PRRX2: variants seen among roughly 807,000 people sequenced by gnomAD.
The protein encoded by PRRX2 is paired related homeobox 2, also known as paired mesoderm homeobox protein 2.
PRRX2 carries 11 observed loss-of-function variants against 18.0 expected under a neutral mutation model. That is an observed-to-expected ratio of 0.61 (90% CI 0.39 to 1.01). The LOEUF (loss-of-function observed/expected upper bound fraction) is 1.01, where lower values mean the gene tolerates loss of function less well. Among genes scored for constraint, PRRX2 ranks in the 50% least tolerant of loss-of-function variants. The probability of loss-of-function intolerance (pLI) is 0.01; values close to 1 mark genes in which losing one functional copy is unlikely to be tolerated. For missense variants in PRRX2, 387 were observed against 351.0 expected (o/e 1.10, Z -0.82); for synonymous variants, 177 against 154.8 (o/e 1.14, Z -1.06).
chr9:129,709,635 C>T lies in PRRX2; in HGVS notation c.260-9596C>T, dbSNP rs566424642. 6.6e-6 allele frequency among the ~76,000 whole-genome samples: 1 copy of T among 152,348 alleles called. No individual in the cohort carries two copies. The highest frequency in any genetic ancestry group is 6.5e-5 in the Admixed American group (1 of 15,294). ...CCACTGCGGCTTCCATCATCACCTT[C>T]CTTCCCGGGATGTGTTTCTCCTTCT... On this transcript the variant is annotated intron_variant, in intron 1 of 3. Coordinates refer to ENST00000372469, the MANE Select transcript of PRRX2 (RefSeq NM_016307.4). The surrounding 1 kb of genome is among the most constrained non-coding windows in gnomAD (Gnocchi z 4.2).
At chr9:129,677,000 C>G (rs1027874359) in intron 1 of PRRX2, among the ~76,000 whole-genome samples, 1 of 152,210 alleles carries the variant, frequency 6.6e-6, no homozygotes, top group Non-Finnish European at 1.5e-5. Flanking sequence ...TGTTAAACTC[C>G]GTGCCTCCCC....
At chr9:129,685,635 G>A (rs58993884) in intron 1 of PRRX2, among the ~76,000 whole-genome samples, 477 of 152,246 alleles carry the variant, frequency 3.1e-3, no homozygotes, top group African/African-American at 0.011. Flanking sequence ...GAGCCACTGC[G>A]CCCGGCCAGT....
At chr9:129,691,526 G>A (rs192557236) in intron 1 of PRRX2, among the ~76,000 whole-genome samples, 350 of 151,980 alleles carry the variant, frequency 2.3e-3, no homozygotes, top group Middle Eastern at 0.014. Context: ...TCTCGATTTC[G>A]TCTTCATTGA....
At chr9:129,680,400 CAAA>C (rs1207606607) in intron 1 of PRRX2, among the ~76,000 whole-genome samples, 3 of 85,834 alleles carry the variant, frequency 3.5e-5, no homozygotes, top group African/African-American at 5.1e-5. Context: ...GACTCCGTCT[CAAA>C]AAAAAAAAAA....
intron 1 of PRRX2, among the ~76,000 whole-genome samples, chr9:129,677,079 C>T (rs1413135047): frequency 1.3e-5 from 2 of 152,184 alleles, no homozygotes; most frequent in Non-Finnish European, 2.9e-5. Context: ...CTTATTTGCT[C>T]ATTTGTTCAG....
At chr9:129,677,958 C>CTTTTTTTTT (rs760645440) in intron 1 of PRRX2, among the ~76,000 whole-genome samples, 48 of 113,110 alleles carry the variant, frequency 4.2e-4, no homozygotes, top group Non-Finnish European at 4.8e-4. Flanking sequence ...TTCTTTCTTT[C>CTTTTTTTTT]TTTTTTTTTT....
intron 1 of PRRX2, among the ~76,000 whole-genome samples, chr9:129,708,337 C>T (rs901509447): frequency 2.0e-5 from 3 of 152,174 alleles, no homozygotes; most frequent in East Asian, 1.9e-4. Context: ...CATGCACGGC[C>T]GTTATCTGTC....
chr9:129,720,738 C>T lies in PRRX2; in HGVS notation c.590C>T (p.Pro197Leu), dbSNP rs781739454. ...GCTCCCCGGCCCACCGCCCTGAGTC[C>T]AGATTATCTCTCCTGGACAGCCTCG... ...PVAPRPTALSPDYLSWTASSP... is the reference protein window; with the variant it reads ...PVAPRPTALSLDYLSWTASSP... Residue 197 changes from proline to leucine, a missense_variant, in exon 3 of 4, where the codon CCA becomes CTA. Pro to Leu is a moderately conservative substitution (Grantham distance 98). Transcript: ENST00000372469. The T allele has an allele frequency of 3.1e-6, 5 of 1,610,706 alleles. No homozygotes were observed. The highest frequency in any genetic ancestry group is 4.2e-6 in the Non-Finnish European group (5 of 1,178,524).
chr9:129,700,502 G>T (rs12005065), intron 1 of PRRX2, among the ~76,000 whole-genome samples: 1 of 150,730 alleles, frequency 6.6e-6, no homozygotes, highest in Non-Finnish European at 1.5e-5. Context: ...GCTAATTTTT[G>T]TATTTTTAGT....
intron 1 of PRRX2, among the ~76,000 whole-genome samples, chr9:129,673,554 G>A (rs1009326850): frequency 6.6e-6 from 1 of 151,916 alleles, no homozygotes; most frequent in South Asian, 2.1e-4. Context: ...TCATTTTGTC[G>A]GTGAAAACTT....
At chr9:129,704,203 C>A (rs1431663878) in intron 1 of PRRX2, among the ~76,000 whole-genome samples, 1 of 152,186 alleles carries the variant, frequency 6.6e-6, no homozygotes, top group Non-Finnish European at 1.5e-5. Flanking sequence ...GGGGAAGAAC[C>A]ACCAGGCCAG....
intron 1 of PRRX2, among the ~76,000 whole-genome samples, chr9:129,680,349 T>C (rs112383253): frequency 5.7e-5 from 8 of 141,564 alleles, no homozygotes; most frequent in Admixed American, 3.0e-4. Context: ...TGCAGTGCGC[T>C]GAGATCATGC....
intron 1 of PRRX2, among the ~76,000 whole-genome samples, chr9:129,683,150 A>G (rs1588164463): frequency 6.6e-6 from 1 of 151,692 alleles, no homozygotes; most frequent in Non-Finnish European, 1.5e-5. Context: ...CTGCCAGGCC[A>G]CCATTAAGTC....
chr9:129,705,800 G>C (rs1036671724), intron 1 of PRRX2, among the ~76,000 whole-genome samples: 3 of 151,964 alleles, frequency 2.0e-5, no homozygotes, highest in Non-Finnish European at 4.4e-5. Flanking sequence ...CCCTGGCTGG[G>C]CACGGTGGCT....
At position 129,665,919 on chromosome 9, in the gene PRRX2, G is replaced by T; in HGVS notation, c.52G>T (p.Gly18Trp). The T allele has an allele frequency of 9.0e-7, 1 of 1,115,436 alleles. No homozygotes were observed. Among genetic ancestry groups the T allele is most frequent in the Non-Finnish European group, 1.1e-6 (1 of 914,590 alleles). The allele number at this position is 1,115,436 out of a possible 1,614,324, so 69.1% of individuals were successfully genotyped here. The change falls in exon 1 of 4, where the codon GGG becomes TGG. Residue 18 changes from glycine (G) to tryptophan (W), a missense_variant. Physicochemically the swap from Gly to Trp is radical, Grantham distance 184. Coordinates refer to ENST00000372469, the MANE Select transcript of PRRX2 (RefSeq NM_016307.4). The surrounding 1 kb of genome is among the most constrained non-coding windows in gnomAD (Gnocchi z 5.3). ...CCTGGACAAGCCGGCGCTGGGCCCG[G>T]GGCCGCCGCCGCCTCCACCCGCGCT... The part of the protein sequence containing the change: ...FALDKPALGP[G>W]PPPPPPALGP...
chr9:129,719,185 G>C (rs575925541), intron 1 of PRRX2, 46 bp from the exon 2 acceptor site: 2 of 1,479,012 alleles, frequency 1.4e-6, no homozygotes, highest in Admixed American at 4.6e-5. Flanking sequence ...TGTGACTGTA[G>C]CCACTGGCCG....
At position 129,671,521 on chromosome 9, in the gene PRRX2, G is replaced by C. The variant is rs917176346; in HGVS notation, c.259+5395G>C. Among the ~76,000 whole-genome samples the C allele has an allele frequency of 2.0e-5, 3 of 152,192 alleles. No homozygotes were observed. The highest frequency in any genetic ancestry group is 4.4e-5 in the Non-Finnish European group (3 of 68,038). On this transcript the variant is annotated intron_variant, in intron 1 of 3. Coordinates refer to ENST00000372469, the MANE Select transcript of PRRX2 (RefSeq NM_016307.4). The surrounding 1 kb of genome is among the most constrained non-coding windows in gnomAD (Gnocchi z 4.0). ...CAGAAAACTCCAGAAAAGCAGCTTG[G>C]AGCAGTAGTGACAGCGCCGGCTTAC...
At chr9:129,699,798 T>C (rs894618416) in intron 1 of PRRX2, among the ~76,000 whole-genome samples, 4 of 152,164 alleles carry the variant, frequency 2.6e-5, no homozygotes, top group Non-Finnish European at 5.9e-5. Context: ...GGGCAGCCTC[T>C]GCTCTGTGTG....
intron 1 of PRRX2, among the ~76,000 whole-genome samples, chr9:129,670,581 G>A (rs530069803): frequency 6.6e-6 from 1 of 152,202 alleles, no homozygotes; most frequent in Non-Finnish European, 1.5e-5. Flanking sequence ...TGCCTTGTTG[G>A]CCAGGCTGGT....
Sources: allele counts gnomAD v4.1 joint callset (sites outside exome capture counted in the v4.1 genomes callset), GRCh38; gene constraint gnomAD v4.1.1; non-coding constraint Gnocchi (gnomAD v3.1); transcripts MANE v1.5; gene names NCBI Gene and HGNC (gene_info 2026-07-23, HGNC 2026-07-21).